The following SYNDIG1 variants were observed in gnomAD, a reference collection of about 807,000 sequenced individuals.
The protein encoded by SYNDIG1 is synapse differentiation inducing 1.
SYNDIG1 carries 9 observed loss-of-function variants against 19.4 expected under a neutral mutation model. The ratio of observed to expected loss-of-function variants is 0.46; its 90% CI spans 0.28 to 0.81. The LOEUF (loss-of-function observed/expected upper bound fraction) is 0.81. SYNDIG1 is among the 30% of genes least tolerant of loss of function. The probability of loss-of-function intolerance (pLI) is 0.12; values close to 1 mark genes in which losing one functional copy is unlikely to be tolerated. For synonymous variants in SYNDIG1, 141 were observed against 145.9 expected, an observed-to-expected ratio of 0.97 and a Z score of 0.24; for missense variants, 311 against 343.3, an observed-to-expected ratio of 0.91 and a Z score of 0.74.
chr20:24,472,177 G>A (rs969817048), intron 1 of SYNDIG1, among the ~76,000 whole-genome samples: 10 of 152,210 alleles, frequency 6.6e-5, no homozygotes, highest in African/African-American at 2.2e-4. Flanking sequence ...GGGTAGAAAA[G>A]GAAAACCTGC....
chr20:24,546,575 G>T (rs565766266), intron 2 of SYNDIG1, among the ~76,000 whole-genome samples: 4 of 152,294 alleles, frequency 2.6e-5, no homozygotes, highest in African/African-American at 9.6e-5. Flanking sequence ...TTCATTTTGC[G>T]GCAGCCAGAG....
intron 1 of SYNDIG1, among the ~76,000 whole-genome samples, chr20:24,510,687 T>G (rs1280672197): frequency 6.6e-6 from 1 of 152,236 alleles, no homozygotes; most frequent in Non-Finnish European, 1.5e-5. Context: ...TTGTATTATG[T>G]ATGTCTGAAT....
intron 1 of SYNDIG1, among the ~76,000 whole-genome samples, chr20:24,534,988 C>G (rs1568619166): frequency 6.6e-6 from 1 of 152,206 alleles, no homozygotes; most frequent in South Asian, 2.1e-4. Flanking sequence ...TGTCACCAAC[C>G]ACTGGATGGT....
chr20:24,543,403 G>T lies in SYNDIG1; in HGVS notation c.306G>T (p.Trp102Cys), dbSNP rs371527396. 6.2e-7 allele frequency: 1 copy of T among 1,613,568 alleles called. No individual in the cohort carries two copies. The highest frequency in any genetic ancestry group is 8.5e-7 in the Non-Finnish European group (1 of 1,180,036). ...ATTCAGAGGGCGTGCTGCGCTCCTG[G>T]GGGGACGGTGTGGCCGCCGACTGCT... ...ILYSEGVLRS[W>C]GDGVAADCCE... is the part of the protein sequence containing the mutation. Residue 102 changes from tryptophan to cysteine, a missense_variant, in exon 2 of 4, where the codon TGG becomes TGT. Transcript: ENST00000376862.
chr20:24,606,662 G>A (rs1296036007), intron 3 of SYNDIG1, among the ~76,000 whole-genome samples: 1 of 152,220 alleles, frequency 6.6e-6, no homozygotes, highest in Admixed American at 6.5e-5. Context: ...GGGTTTTCTG[G>A]AAGTAGAGAT....
At chr20:24,557,648 C>G (rs570333309) in intron 2 of SYNDIG1, among the ~76,000 whole-genome samples, 3 of 152,190 alleles carry the variant, frequency 2.0e-5, no homozygotes, top group Non-Finnish European at 4.4e-5. Context: ...ATGCTGCTGT[C>G]TGATCGTTCC....
At chr20:24,493,119 T>C (rs1312139087) in intron 1 of SYNDIG1, among the ~76,000 whole-genome samples, 1 of 152,270 alleles carries the variant, frequency 6.6e-6, no homozygotes, top group Non-Finnish European at 1.5e-5. Flanking sequence ...TTCCTGTTTC[T>C]GTCAAAGTCA....
At chr20:24,511,243 G>T (rs1401867313) in intron 1 of SYNDIG1, among the ~76,000 whole-genome samples, 1 of 152,130 alleles carries the variant, frequency 6.6e-6, no homozygotes, top group Non-Finnish European at 1.5e-5. Flanking sequence ...CTGTCATTAT[G>T]CATTTCCTGA....
chr20:24,582,556 C>G (rs2051784757), intron 2 of SYNDIG1, among the ~76,000 whole-genome samples: 1 of 151,356 alleles, frequency 6.6e-6, no homozygotes, highest in Non-Finnish European at 1.5e-5. Flanking sequence ...GTCCTTCCCA[C>G]CGCACGTCCT....
chr20:24,483,724 T>C (rs1231867824), intron 1 of SYNDIG1, among the ~76,000 whole-genome samples: 1 of 152,174 alleles, frequency 6.6e-6, no homozygotes, highest in Non-Finnish European at 1.5e-5. Flanking sequence ...CACCACATAT[T>C]GAGTACTTGC....
intron 3 of SYNDIG1, among the ~76,000 whole-genome samples, chr20:24,625,788 C>T (rs1466768416): frequency 6.6e-6 from 1 of 152,268 alleles, no homozygotes; most frequent in Non-Finnish European, 1.5e-5. Flanking sequence ...CAGCAACCAT[C>T]CAATTTCTCA....
intron 2 of SYNDIG1, among the ~76,000 whole-genome samples, chr20:24,582,909 G>A (rs1352185610): frequency 1.3e-5 from 2 of 152,234 alleles, no homozygotes; most frequent in South Asian, 2.1e-4. Flanking sequence ...ACTGTAGCCT[G>A]AGCAAGTTGC....
intron 1 of SYNDIG1, among the ~76,000 whole-genome samples, chr20:24,476,813 G>A (rs1880230109): frequency 6.6e-6 from 1 of 152,166 alleles, no homozygotes; most frequent in Admixed American, 6.5e-5. Context: ...CCTGCAGCCT[G>A]CAGCACAGCT....
At chr20:24,547,834 G>A (rs1383892376) in intron 2 of SYNDIG1, among the ~76,000 whole-genome samples, 1 of 152,198 alleles carries the variant, frequency 6.6e-6, no homozygotes, top group East Asian at 1.9e-4. Context: ...TGAGTTTACA[G>A]CCATGAAATG....
intron 1 of SYNDIG1, among the ~76,000 whole-genome samples, chr20:24,483,194 T>A (rs549987435): frequency 6.6e-6 from 1 of 152,302 alleles, no homozygotes; most frequent in African/African-American, 2.4e-5. Flanking sequence ...CACGTTGTGG[T>A]TGCAGTGTGA....
chr20:24,492,387 G>T (rs1235938231), intron 1 of SYNDIG1, among the ~76,000 whole-genome samples: 1 of 152,236 alleles, frequency 6.6e-6, no homozygotes, highest in African/African-American at 2.4e-5. Flanking sequence ...GAGATCAGCT[G>T]CTGGCCACCA....
chr20:24,553,318 G>T (rs1376728459), intron 2 of SYNDIG1, among the ~76,000 whole-genome samples: 1 of 152,194 alleles, frequency 6.6e-6, no homozygotes, highest in Non-Finnish European at 1.5e-5. Flanking sequence ...AGTTTAATGA[G>T]ATCCCATTTG....
intron 3 of SYNDIG1, among the ~76,000 whole-genome samples, chr20:24,645,874 C>G (rs919628170): frequency 1.3e-5 from 2 of 152,220 alleles, no homozygotes; most frequent in Non-Finnish European, 2.9e-5. Context: ...ACACAGTGGG[C>G]TCTAGAGAGA....
At chr20:24,485,966 C>T (rs2055945977) in intron 1 of SYNDIG1, among the ~76,000 whole-genome samples, 1 of 152,152 alleles carries the variant, frequency 6.6e-6, no homozygotes, top group Admixed American at 6.5e-5. Context: ...CGTGGCCACC[C>T]TTGGTAATAA....
Sources: allele counts gnomAD v4.1 joint callset (sites outside exome capture counted in the v4.1 genomes callset), GRCh38; gene constraint gnomAD v4.1.1; transcripts MANE v1.5; gene names NCBI Gene and HGNC (gene_info 2026-07-23, HGNC 2026-07-21).